Variants in TTC17 observed in about 807,000 individuals in gnomAD.
TTC17 encodes tetratricopeptide repeat protein 17.
Under a neutral mutation model 143.8 loss-of-function variants are expected in TTC17, and 58 were observed. The ratio of observed to expected loss-of-function variants is 0.40; its 90% CI spans 0.33 to 0.50. TTC17 has a LOEUF of 0.50. Among genes scored for constraint, TTC17 ranks in the 20% least tolerant of loss-of-function variants. TTC17 has a pLI of 0.49. For synonymous variants in TTC17, 501 were observed against 497.8 expected (o/e 1.01, Z -0.09); for missense variants, 1,273 against 1,392.5 (o/e 0.91, Z 1.37).
intron 1 of TTC17, among the ~76,000 whole-genome samples, chr11:43,361,834 T>G (rs1431733965): frequency 2.6e-5 from 4 of 152,212 alleles, no homozygotes; most frequent in African/African-American, 7.2e-5. Context: ...TTAACAGCTT[T>G]TAGAAAATTA....
intron 2 of TTC17, among the ~76,000 whole-genome samples, chr11:43,388,821 A>C (rs1857267691): frequency 6.6e-6 from 1 of 151,808 alleles, no homozygotes; most frequent in Admixed American, 6.6e-5. Flanking sequence ...GGAAAAAAAA[A>C]AAAAATTAGC....
chr11:43,406,835 C>G (rs2061676770), intron 13 of TTC17, among the ~76,000 whole-genome samples: 1 of 152,108 alleles, frequency 6.6e-6, no homozygotes, highest in Non-Finnish European at 1.5e-5. Flanking sequence ...ATGCTGTTGT[C>G]TTTTGAATAA....
At chr11:43,409,361 AT>A (rs1433862499) in intron 15 of TTC17, among the ~76,000 whole-genome samples, 5 of 152,226 alleles carry the variant, frequency 3.3e-5, no homozygotes, top group African/African-American at 1.2e-4. Flanking sequence ...GAGAATGAAT[AT>A]TTTGATGGCT....
chr11:43,364,542 G>C (rs1482255272), intron 1 of TTC17, among the ~76,000 whole-genome samples: 2 of 152,154 alleles, frequency 1.3e-5, no homozygotes, highest in African/African-American at 4.8e-5. Flanking sequence ...CCAGGATTTA[G>C]TTACACCTGG....
rs897298152 is a variant in TTC17 at position 43,373,240 on chromosome 11, T to C, written c.160-5993T>C. On this transcript the variant is annotated intron_variant, in intron 1 of 23. Transcript: ENST00000039989. Reference sequence around the variant, plus strand: ...AGGATAAAGAGGGCTGATTTTGCCATGAACAACATAACTGCTCAGAAGTAG... The same window carrying C: ...AGGATAAAGAGGGCTGATTTTGCCACGAACAACATAACTGCTCAGAAGTAG... Among the ~76,000 whole-genome samples, 6 of 152,196 alleles carry C rather than the reference T, an allele frequency of 3.9e-5. No individual in the cohort carries two copies. The East Asian group carries it at 7.7e-4, about 20-fold the overall frequency.
intron 16 of TTC17, among the ~76,000 whole-genome samples, chr11:43,439,284 C>A (rs1947361215): frequency 6.6e-6 from 1 of 152,148 alleles, no homozygotes; most frequent in Non-Finnish European, 1.5e-5. Context: ...AGTCTGTCTT[C>A]ATTTAATGTG....
chr11:43,387,075 C>T (rs1464152071), intron 2 of TTC17, among the ~76,000 whole-genome samples: 1 of 152,124 alleles, frequency 6.6e-6, no homozygotes, highest in Non-Finnish European at 1.5e-5. Flanking sequence ...CAAGCCACCA[C>T]GCCAATCCTA....
intron 23 of TTC17, 102 bp from the exon 24 acceptor site, chr11:43,493,671 A>T: frequency 6.4e-7 from 1 of 1,552,648 alleles, no homozygotes; most frequent in Non-Finnish European, 8.8e-7. Context: ...ATGCTGCGGG[A>T]TTGTCCCTAG....
In TTC17 at chr11:43,405,938, A is replaced by G. The variant is rs747789119; in HGVS notation, c.1748A>G (p.Asp583Gly). 2 of 1,612,932 alleles carry G rather than the reference A, an allele frequency of 1.2e-6. No homozygotes were observed. The highest frequency in any genetic ancestry group is 1.7e-6 in the Non-Finnish European group (2 of 1,179,686). ...RMDLKAKMPD[D>G]HARKILLSRI... ...GATCTGAAAGCCAAAATGCCAGATG[A>G]CCATGCACGAAAAGTAAGGCTCACT... Residue 583 changes from aspartate (D) to glycine (G), a missense_variant, in exon 13 of 24, where the codon GAC becomes GGC. Physicochemically the swap from Asp to Gly is moderately conservative, Grantham distance 94. Coordinates refer to ENST00000039989, the MANE Select transcript of TTC17 (RefSeq NM_018259.6).
chr11:43,471,941 A>G (rs1245364288), intron 21 of TTC17, among the ~76,000 whole-genome samples: 2 of 152,246 alleles, frequency 1.3e-5, no homozygotes, highest in African/African-American at 4.8e-5. Context: ...CAGAATAAAT[A>G]TAAAAGGACT....
At chr11:43,443,620 C>T (rs370347110) in intron 17 of TTC17, 36 bp downstream of exon 17, 2 of 1,579,898 alleles carry the variant, frequency 1.3e-6, no homozygotes, top group African/African-American at 2.7e-5. Flanking sequence ...AAAATTGTAG[C>T]CCATGCCTTT....
At chr11:43,388,248 CCTGA>C (rs1216921121) in intron 2 of TTC17, among the ~76,000 whole-genome samples, 2 of 151,994 alleles carry the variant, frequency 1.3e-5, no homozygotes, top group African/African-American at 4.8e-5. Flanking sequence ...TTAGAGCTAT[CCTGA>C]CTAATGTAGA....
At chr11:43,385,223 A>C (rs1175181247) in intron 2 of TTC17, among the ~76,000 whole-genome samples, 1 of 152,206 alleles carries the variant, frequency 6.6e-6, no homozygotes, top group African/African-American at 2.4e-5. Context: ...AAGACATAGA[A>C]AAAGAGATAG....
At chr11:43,408,034 C>A (rs1009044627) in intron 15 of TTC17, among the ~76,000 whole-genome samples, 2 of 152,094 alleles carry the variant, frequency 1.3e-5, no homozygotes, top group African/African-American at 4.8e-5. Flanking sequence ...GATTTTCATG[C>A]CCCAAACCTC....
chr11:43,472,184 C>G (rs1590480965), intron 21 of TTC17, among the ~76,000 whole-genome samples: 1 of 152,016 alleles, frequency 6.6e-6, no homozygotes, highest in African/African-American at 2.4e-5. Context: ...GAGACCATCT[C>G]TACTAAAAAA....
At chr11:43,370,822 T>C (rs1257740143) in intron 1 of TTC17, among the ~76,000 whole-genome samples, 7 of 150,942 alleles carry the variant, frequency 4.6e-5, no homozygotes, top group Non-Finnish European at 8.9e-5. Context: ...GTTTGTTTGT[T>C]TGTTTTAAGA....
intron 18 of TTC17, chr11:43,446,027 C>A (rs1947532827): frequency 1.3e-6 from 2 of 1,531,464 alleles, no homozygotes; most frequent in Non-Finnish European, 1.7e-6. Flanking sequence ...TCCTTGTGAA[C>A]CAGATGGAGA....
At chr11:43,431,845 T>A (rs1418168719) in intron 16 of TTC17, among the ~76,000 whole-genome samples, 1 of 152,176 alleles carries the variant, frequency 6.6e-6, no homozygotes, top group Non-Finnish European at 1.5e-5. Flanking sequence ...AACAAAAAAC[T>A]CACTTTGTAG....
Position 43,481,186 on chromosome 11 carries a change from C to T in TTC17, c.3031-9053C>T, listed in dbSNP as rs191785513. Among the ~76,000 whole-genome samples the T allele has an allele frequency of 1.9e-3, 283 of 152,262 alleles. 1 individual carries two copies. Among genetic ancestry groups the T allele is most frequent in the African/African-American group, 6.5e-3 (271 of 41,562 alleles). On this transcript the variant is annotated intron_variant, in intron 21 of 23. Transcript: ENST00000039989. The stretch of plus-strand genomic sequence containing the variant: ...ACCAGAAAGATATACCAGTTCTAAA[C>T]TTACACATATTCAGTAAAATACCCT...
Sources: allele counts gnomAD v4.1 joint callset (sites outside exome capture counted in the v4.1 genomes callset), GRCh38; gene constraint gnomAD v4.1.1; transcripts MANE v1.5; gene names NCBI Gene and HGNC (gene_info 2026-07-23, HGNC 2026-07-21).